The following SPOCD1 variants were observed in gnomAD, a reference collection of about 807,000 sequenced individuals.
The protein encoded by SPOCD1 is SPOC domain containing 1, also known as SPOC domain-containing protein 1.
Under a neutral mutation model 92.2 loss-of-function variants are expected in SPOCD1, and 64 were observed. That is an observed-to-expected ratio of 0.69 (90% CI 0.57 to 0.86). The LOEUF (loss-of-function observed/expected upper bound fraction) is 0.86. Ranked by LOEUF, SPOCD1 falls within the 40% of genes least tolerant of loss-of-function variation. SPOCD1 has a pLI of 0.00. For missense variants in SPOCD1, 1,360 were observed against 1,543.1 expected (o/e 0.88, Z 1.99); for synonymous variants, 578 against 619.3 (o/e 0.93, Z 0.99).
chr1:31,794,408 A>C, intron 10 of SPOCD1, 173 bp from the exon 11 acceptor site: 1 of 490,618 alleles, frequency 2.0e-6, no homozygotes, highest in Non-Finnish European at 3.6e-6. Context: ...AAACTTGAAA[A>C]TTAAAAAGAA....
Position 31,792,375 on chromosome 1 carries a change from T to G in SPOCD1, c.2802A>C (p.Pro934=). 6.2e-7 allele frequency: 1 copy of G among 1,613,816 alleles called. No individual in the cohort carries two copies. Among genetic ancestry groups the G allele is most frequent in the Non-Finnish European group, 8.5e-7 (1 of 1,180,000 alleles). The change falls in exon 15 of 16, where the codon CCA becomes CCC. Residue 934 remains proline, a synonymous_variant. Coordinates refer to ENST00000360482, the MANE Select transcript of SPOCD1 (RefSeq NM_144569.7). ...AKDVCVVRLC[P]HGARDTQNCR... ...AGTTCTGGGTGTCCCGGGCCCCATG[T>G]GGGCACAGTCTGACCACGCAGACGT...
At position 31,793,329 on chromosome 1, in the gene SPOCD1, C is replaced by A. The variant is rs565440692; in HGVS notation, c.2634G>T (p.Arg878=). ...EGVLDMFSIK[R]FRARAQLVSG... ...AGACCAGCTGGGCCCTGGCCCGGAACCGCTTGATGGAGAACATGTCCAGAA... is the reference window on the plus strand; with the variant it reads ...AGACCAGCTGGGCCCTGGCCCGGAAACGCTTGATGGAGAACATGTCCAGAA... The change falls in exon 13 of 16, where the codon CGG becomes CGT. Residue 878 remains arginine (R), a synonymous_variant. Transcript: ENST00000360482. 2.6e-5 allele frequency: 42 copies of A among 1,591,470 alleles called. No individual in the cohort carries two copies. The Middle Eastern group carries it at 6.7e-4, about 25-fold the overall frequency.
chr1:31,801,318 C>A (rs1648450313), intron 3 of SPOCD1, among the ~76,000 whole-genome samples: 2 of 152,186 alleles, frequency 1.3e-5, no homozygotes, highest in African/African-American at 4.8e-5. Context: ...GTAACAAGAT[C>A]CCCCACCTCC....
In SPOCD1 at chr1:31,791,025, T is replaced by C. The variant is rs2149093126; in HGVS notation, c.3229A>G (p.Ser1077Gly). 1 of 1,610,944 alleles carries C rather than the reference T, an allele frequency of 6.2e-7. No homozygotes were observed. The highest frequency in any genetic ancestry group is 1.1e-5 in the South Asian group (1 of 90,664). ...GAWQQSQGRG[S>G]IAPRGISAWQ... The stretch of plus-strand genomic sequence containing the variant: ...GCAGAGATTCCCCTTGGAGCTATAC[T>C]GCCCCTGCCCTGGCTCTGCTGCCAG... The change falls in exon 16 of 16, where the codon AGT becomes GGT. Residue 1077 changes from serine to glycine, a missense_variant. By Grantham distance (56) the Ser-to-Gly change is moderately conservative (BLOSUM62 0). This residue lies in a region of SPOCD1 where 614 missense variants were observed against 757.8 expected (regional missense o/e 0.81). Coordinates refer to ENST00000360482, the MANE Select transcript of SPOCD1 (RefSeq NM_144569.7).
chr1:31,805,719 G>C (rs1038479079), intron 2 of SPOCD1, among the ~76,000 whole-genome samples: 2 of 151,640 alleles, frequency 1.3e-5, no homozygotes, highest in Non-Finnish European at 2.9e-5. Context: ...GAGTGAGACT[G>C]TGTCTCAAAA....
At chr1:31,810,668 A>T (rs945688839) in intron 2 of SPOCD1, among the ~76,000 whole-genome samples, 1 of 152,136 alleles carries the variant, frequency 6.6e-6, no homozygotes, top group Non-Finnish European at 1.5e-5. Flanking sequence ...TTTAATGGTT[A>T]ATGTAAGGAT....
At chr1:31,800,650 G>C in intron 3 of SPOCD1, 33 bp from the exon 4 acceptor site, 1 of 1,553,016 alleles carries the variant, frequency 6.4e-7, no homozygotes, top group East Asian at 2.3e-5. Flanking sequence ...GAAGCAAGCG[G>C]GGCCAGCCGC....
chr1:31,798,349 C>A lies in SPOCD1; in HGVS notation c.2029-26G>T. 1 of 1,603,974 alleles carries A rather than the reference C, an allele frequency of 6.2e-7. No homozygotes were observed. Among genetic ancestry groups the A allele is most frequent in the Non-Finnish European group, 8.5e-7 (1 of 1,173,614 alleles). On this transcript the variant is annotated intron_variant, in intron 8 of 15. Transcript: ENST00000360482. The surrounding 1 kb of genome is among the most constrained non-coding windows in gnomAD (Gnocchi z 4.1). ...CTGGTGGGGGCAGGGGGCAGGGCTG[C>A]ACCACACGCTGAAAGAGCTCCCCCA...
intron 1 of SPOCD1, chr1:31,815,601 GTCT>G (rs1003870131): frequency 4.3e-5 from 16 of 371,136 alleles, no homozygotes; most frequent in African/African-American, 3.3e-4. Flanking sequence ...GGCCTCCAGG[GTCT>G]TCTTGTCTCT....
At chr1:31,803,598 A>C (rs1022066759) in intron 2 of SPOCD1, among the ~76,000 whole-genome samples, 11 of 150,506 alleles carry the variant, frequency 7.3e-5, no homozygotes, top group Admixed American at 1.3e-4. Flanking sequence ...AAAAATAGCC[A>C]GGCATGGTGG....
intron 2 of SPOCD1, among the ~76,000 whole-genome samples, chr1:31,802,079 A>T (rs1193428843): frequency 2.0e-5 from 3 of 152,172 alleles, no homozygotes; most frequent in African/African-American, 7.2e-5. Context: ...GAGGCAGGAG[A>T]ATAACTTGAA....
chr1:31,802,891 T>G (rs746421263), intron 2 of SPOCD1, among the ~76,000 whole-genome samples: 1 of 152,088 alleles, frequency 6.6e-6, no homozygotes, highest in Admixed American at 6.6e-5. Flanking sequence ...TAACCCAGGC[T>G]GCCAGTAGGG....
rs866768680 is a variant in SPOCD1, at chr1:31,814,117, C to A, written c.1217G>T (p.Ser406Ile). 1.9e-6 allele frequency: 3 copies of A among 1,609,262 alleles called. No homozygotes were observed. The African/African-American group carries it at 4.0e-5, about 21-fold the overall frequency. The part of the protein sequence containing the change: ...GLSSSLDTEA[S>I]RACSGPFMEQ... ...CATGAATGGGCCTGAGCAGGCCCTGCTGGCTTCAGTATCCAGGGAGGAGCT... is the reference window on the plus strand; with the variant it reads ...CATGAATGGGCCTGAGCAGGCCCTGATGGCTTCAGTATCCAGGGAGGAGCT... The change falls in exon 2 of 16, where the codon AGC becomes ATC. Residue 406 changes from serine (S) to isoleucine (I), a missense_variant. Transcript: ENST00000360482. The surrounding 1 kb of genome is among the most constrained non-coding windows in gnomAD (Gnocchi z 4.2).
intron 15 of SPOCD1, among the ~76,000 whole-genome samples, chr1:31,791,723 T>A (rs1411806997): frequency 6.6e-6 from 1 of 152,138 alleles, no homozygotes; most frequent in Non-Finnish European, 1.5e-5. Context: ...AGGTCCTGAC[T>A]CTGTCCTGCT....
chr1:31,812,456 A>G (rs1037616471), intron 2 of SPOCD1, among the ~76,000 whole-genome samples: 1 of 152,212 alleles, frequency 6.6e-6, no homozygotes, highest in African/African-American at 2.4e-5. Context: ...AAAGACCTTC[A>G]AATACTACGG....
intron 7 of SPOCD1, among the ~76,000 whole-genome samples, chr1:31,799,144 G>A (rs945161519): frequency 6.6e-6 from 1 of 152,204 alleles, no homozygotes; most frequent in African/African-American, 2.4e-5. Flanking sequence ...TGCTGCGGGT[G>A]ACATTGATGT....
At chr1:31,800,883 C>T (rs1039601674) in intron 3 of SPOCD1, among the ~76,000 whole-genome samples, 25 of 152,322 alleles carry the variant, frequency 1.6e-4, no homozygotes, top group African/African-American at 6.0e-4. Flanking sequence ...TTCTCAACTT[C>T]CCCCTTAACC....
At chr1:31,792,568 C>A in intron 14 of SPOCD1, 110 bp downstream of exon 14, 1 of 1,149,690 alleles carries the variant, frequency 8.7e-7, no homozygotes, top group Non-Finnish European at 1.2e-6. Flanking sequence ...TCTGCAGTCA[C>A]TCTGGGAACT....
Position 31,798,390 on chromosome 1 carries a change from G to T in SPOCD1, c.2028+52C>A, listed in dbSNP as rs779503315. On this transcript the variant is annotated intron_variant, in intron 8 of 15. Coordinates refer to ENST00000360482, the MANE Select transcript of SPOCD1 (RefSeq NM_144569.7). This position sits in a 1 kb window ranked among gnomAD's most constrained non-coding sequence, Gnocchi z 4.1. ...AGCTCCCCCACCCTAGCATCCTGCA[G>T]GGGCTCTGAGATTCAGAGAGGGGAC... 4.6e-5 allele frequency: 74 copies of T among 1,591,488 alleles called. 1 individual carries two copies. The Middle Eastern group carries it at 6.2e-3, about 133-fold the overall frequency.
Sources: allele counts gnomAD v4.1 joint callset (sites outside exome capture counted in the v4.1 genomes callset), GRCh38; gene constraint gnomAD v4.1.1; regional missense constraint gnomAD v4.1.1; non-coding constraint Gnocchi (gnomAD v3.1); transcripts MANE v1.5; gene names NCBI Gene and HGNC (gene_info 2026-07-23, HGNC 2026-07-21).